CSMD1: variants seen among roughly 807,000 people sequenced by gnomAD.
The protein encoded by CSMD1 is CUB and sushi domain-containing protein 1.
A neutral mutation model predicts 417.5 loss-of-function variants in CSMD1; 213 were observed. The observed-to-expected ratio is 0.51, with a 90% CI of 0.46 to 0.57. CSMD1 has a LOEUF of 0.57. CSMD1 is among the 20% of genes least tolerant of loss of function. The pLI, the probability that CSMD1 is intolerant of heterozygous loss-of-function variation, is 0.00. For missense variants in CSMD1, 6,923 were observed against 4,529.7 expected, an observed-to-expected ratio of 1.53 and a Z score of -15.17; for synonymous variants, 2,862 against 1,736.8, an observed-to-expected ratio of 1.65 and a Z score of -16.11.
At chr8:3,129,587 C>T (rs1817683535) in intron 41 of CSMD1, among the ~76,000 whole-genome samples, 1 of 151,874 alleles carries the variant, frequency 6.6e-6, no homozygotes, top group African/African-American at 2.4e-5. Flanking sequence ...CCAGCCTGCC[C>T]AACATGGTGA....
In CSMD1 at chr8:3,753,810, T is replaced by A. The variant is rs376703782; in HGVS notation, c.931+120A>T. ...TATGATTTCCAAAGATAACTGTGAA[T>A]AAAAGAATTAGAAACCATTTTCAAG... On this transcript the variant is annotated intron_variant, in intron 6 of 69. Transcript: ENST00000635120. The A allele has an allele frequency of 6.4e-6, 4 of 624,272 alleles. No individual in the cohort carries two copies. In the East Asian group the frequency reaches 1.2e-4, roughly 19 times the overall value. 38.7% of individuals were successfully genotyped at this position (624,272 alleles called of 1,614,324 possible).
At chr8:4,511,061 C>T (rs1028371561) in intron 2 of CSMD1, among the ~76,000 whole-genome samples, 1 of 152,064 alleles carries the variant, frequency 6.6e-6, no homozygotes, top group African/African-American at 2.4e-5. Flanking sequence ...CTTTCTTTCT[C>T]AGCCATCCTT....
chr8:4,813,108 C>G (rs563091841), intron 1 of CSMD1, among the ~76,000 whole-genome samples: 1 of 152,284 alleles, frequency 6.6e-6, no homozygotes, highest in Admixed American at 6.5e-5. Context: ...TTGAGAAAAA[C>G]TATTTCTAAA....
chr8:4,684,434 G>T (rs543034121), intron 1 of CSMD1, among the ~76,000 whole-genome samples: 1 of 152,222 alleles, frequency 6.6e-6, no homozygotes, highest in Non-Finnish European at 1.5e-5. Flanking sequence ...CTTGCTTTTT[G>T]AAATGGATAA....
chr8:4,408,042 C>T (rs556962301), intron 3 of CSMD1, among the ~76,000 whole-genome samples: 3 of 152,288 alleles, frequency 2.0e-5, no homozygotes, highest in African/African-American at 7.2e-5. Context: ...TCCTCCCCTC[C>T]CCAAATGTAG....
intron 3 of CSMD1, among the ~76,000 whole-genome samples, chr8:4,234,341 C>A (rs761255202): frequency 6.6e-6 from 1 of 152,126 alleles, no homozygotes; most frequent in Non-Finnish European, 1.5e-5. Context: ...TGGGCCGAGG[C>A]TCCTGAAGCA....
At chr8:4,368,580 C>T (rs538060969) in intron 3 of CSMD1, among the ~76,000 whole-genome samples, 20 of 152,166 alleles carry the variant, frequency 1.3e-4, no homozygotes, top group African/African-American at 2.9e-4. Context: ...TGGTAAAATT[C>T]GGCTTTGAAT....
Position 3,369,330 on chromosome 8 carries a change from G to C in CSMD1, c.2823C>G (p.Val941=). 6.2e-7 allele frequency: 1 copy of C among 1,604,860 alleles called. No individual in the cohort carries two copies. Among genetic ancestry groups the C allele is most frequent in the Admixed American group, 1.7e-5 (1 of 59,940 alleles). Residue 941 remains valine (V), a synonymous_variant, in exon 19 of 70, where the codon GTC becomes GTG. Transcript: ENST00000635120. ...AAAAATCTGGAAACCCAGGAGAAAG[G>C]ACTGTTCCACTCTTCCCTTGGATGT... ...GGYIQGKSGT[V]LSPGFPDFYP...
At chr8:4,653,804 T>C (rs1804057103) in intron 1 of CSMD1, among the ~76,000 whole-genome samples, 1 of 152,158 alleles carries the variant, frequency 6.6e-6, no homozygotes, top group Non-Finnish European at 1.5e-5. Context: ...AGGGAGGCAT[T>C]TGCAAATAAC....
intron 1 of CSMD1, among the ~76,000 whole-genome samples, chr8:4,776,018 A>G (rs1326653370): frequency 6.6e-6 from 1 of 152,124 alleles, no homozygotes; most frequent in African/African-American, 2.4e-5. Context: ...AAAATCCAGG[A>G]CTTGAGGGCA....
chr8:4,663,077 G>A (rs146067453), intron 1 of CSMD1, among the ~76,000 whole-genome samples: 156 of 152,244 alleles, frequency 1.0e-3, no homozygotes, highest in Middle Eastern at 3.4e-3. Flanking sequence ...AGTCAAGTAA[G>A]CCAACCCCTG....
In CSMD1 at chr8:4,454,068, C is replaced by T. The variant is rs576268018; in HGVS notation, c.303-34003G>A. ...CGATCTCCTGACCTCGTGATCCGCCCGCCTCGGCCTCCCTAAGTGCTGGGA... is the reference window on the plus strand; with the variant it reads ...CGATCTCCTGACCTCGTGATCCGCCTGCCTCGGCCTCCCTAAGTGCTGGGA... On this transcript the variant is annotated intron_variant, in intron 2 of 69. Coordinates refer to ENST00000635120, the MANE Select transcript of CSMD1 (RefSeq NM_033225.6). Among the ~76,000 whole-genome samples the T allele has an allele frequency of 4.0e-4, 61 of 152,076 alleles. No individual in the cohort carries two copies. The East Asian group carries it at 5.8e-3, about 15-fold the overall frequency.
intron 3 of CSMD1, among the ~76,000 whole-genome samples, chr8:4,164,550 GC>G (rs1399125504): frequency 1.3e-5 from 2 of 152,028 alleles, no homozygotes; most frequent in Non-Finnish European, 2.9e-5. Context: ...TGTTGTATAA[GC>G]CACCAAGCCC....
chr8:4,289,877 A>T (rs1019643406), intron 3 of CSMD1, among the ~76,000 whole-genome samples: 3 of 152,230 alleles, frequency 2.0e-5, no homozygotes, highest in Admixed American at 6.5e-5. Flanking sequence ...TACAAACAAG[A>T]AATGAAAACA....
At chr8:4,575,446 C>G (rs1035475018) in intron 2 of CSMD1, among the ~76,000 whole-genome samples, 1 of 152,070 alleles carries the variant, frequency 6.6e-6, no homozygotes. Context: ...GTGTAACATC[C>G]GGCAGGTCAT....
chr8:3,630,884 T>C (rs1002307021), intron 7 of CSMD1, among the ~76,000 whole-genome samples: 2 of 152,182 alleles, frequency 1.3e-5, no homozygotes, highest in African/African-American at 2.4e-5. Context: ...GTTGGTTATA[T>C]GCATGTGTGT....
chr8:3,305,537 TG>T (rs1804765992), intron 25 of CSMD1, among the ~76,000 whole-genome samples: 1 of 152,128 alleles, frequency 6.6e-6, no homozygotes, highest in South Asian at 2.1e-4. Flanking sequence ...AGGTTAAGCT[TG>T]GCCCCATTTC....
intron 3 of CSMD1, among the ~76,000 whole-genome samples, chr8:4,241,665 T>C (rs1418970317): frequency 1.3e-5 from 2 of 152,136 alleles, no homozygotes; most frequent in African/African-American, 4.8e-5. Flanking sequence ...ATGGTATTTC[T>C]TCCATCCAGA....
At chr8:4,941,744 A>G (rs1220916570) in intron 1 of CSMD1, among the ~76,000 whole-genome samples, 1 of 152,098 alleles carries the variant, frequency 6.6e-6, no homozygotes, top group African/African-American at 2.4e-5. Context: ...GACCACAGGC[A>G]TGTGCCATTA....
Sources: allele counts gnomAD v4.1 joint callset (sites outside exome capture counted in the v4.1 genomes callset), GRCh38; gene constraint gnomAD v4.1.1; transcripts MANE v1.5; gene names NCBI Gene and HGNC (gene_info 2026-07-23, HGNC 2026-07-21).